Variants in MIPOL1 observed in about 807,000 individuals in gnomAD.
MIPOL1 encodes the protein mirror-image polydactyly gene 1 protein.
A neutral mutation model predicts 60.9 loss-of-function variants in MIPOL1; 57 were observed. That is an observed-to-expected ratio of 0.94 (90% CI 0.76 to 1.17). MIPOL1 has a LOEUF of 1.17. Among genes scored for constraint, MIPOL1 ranks in the 50% most tolerant of loss-of-function variants. The probability of loss-of-function intolerance (pLI) is 0.00; values close to 1 mark genes in which losing one functional copy is unlikely to be tolerated. For synonymous variants in MIPOL1, 179 were observed against 168.8 expected (o/e 1.06, Z -0.47); for missense variants, 551 against 511.6 (o/e 1.08, Z -0.74).
At chr14:37,351,405 G>A (rs1466511265) in intron 9 of MIPOL1, among the ~76,000 whole-genome samples, 8 of 150,402 alleles carry the variant, frequency 5.3e-5, no homozygotes, top group Non-Finnish European at 1.0e-4. Flanking sequence ...ATGATTTATA[G>A]TCCTTTGGGT....
intron 10 of MIPOL1, among the ~76,000 whole-genome samples, chr14:37,411,142 A>G (rs1372000358): frequency 6.6e-6 from 1 of 152,176 alleles, no homozygotes; most frequent in Non-Finnish European, 1.5e-5. Flanking sequence ...ACACTATTCA[A>G]AAGAATGCTG....
intron 10 of MIPOL1, among the ~76,000 whole-genome samples, chr14:37,394,715 G>A (rs577740112): frequency 6.6e-6 from 1 of 152,116 alleles, no homozygotes; most frequent in Admixed American, 6.5e-5. Flanking sequence ...TTGGTGTGTT[G>A]TCTGTTTACT....
At chr14:37,258,852 A>T (rs1975402297) in intron 3 of MIPOL1, among the ~76,000 whole-genome samples, 1 of 152,206 alleles carries the variant, frequency 6.6e-6, no homozygotes, top group Admixed American at 6.6e-5. Flanking sequence ...ACAAACAAAA[A>T]CTTAAAAAAA....
At chr14:37,403,277 T>C (rs1379193367) in intron 10 of MIPOL1, among the ~76,000 whole-genome samples, 1 of 152,158 alleles carries the variant, frequency 6.6e-6, no homozygotes, top group Non-Finnish European at 1.5e-5. Context: ...TCTTAAATAT[T>C]ACAAATTCTC....
intron 10 of MIPOL1, among the ~76,000 whole-genome samples, chr14:37,406,925 T>G (rs1433156570): frequency 1.3e-5 from 2 of 152,120 alleles, no homozygotes; most frequent in Admixed American, 1.3e-4. Flanking sequence ...TCTCAGTATT[T>G]AAGTAAAGTA....
chr14:37,407,026 C>T (rs1413016327), intron 10 of MIPOL1, among the ~76,000 whole-genome samples: 1 of 152,040 alleles, frequency 6.6e-6, no homozygotes, highest in African/African-American at 2.4e-5. Flanking sequence ...AAGATAAAGT[C>T]TCTACAGTCT....
chr14:37,525,660 A>G (rs1566775225), intron 12 of MIPOL1, among the ~76,000 whole-genome samples: 2 of 152,210 alleles, frequency 1.3e-5, no homozygotes, highest in African/African-American at 4.8e-5. Flanking sequence ...GCCTATAATC[A>G]AACACATGAA....
At chr14:37,509,323 T>A (rs2095306962) in intron 12 of MIPOL1, among the ~76,000 whole-genome samples, 1 of 151,874 alleles carries the variant, frequency 6.6e-6, no homozygotes, top group Non-Finnish European at 1.5e-5. Flanking sequence ...TATGTATGCA[T>A]GTGTATATAT....
chr14:37,216,153 A>G (rs1967654828), intron 1 of MIPOL1, among the ~76,000 whole-genome samples: 1 of 152,158 alleles, frequency 6.6e-6, no homozygotes, highest in Non-Finnish European at 1.5e-5. Flanking sequence ...ATATCAGGCA[A>G]AATAGATTTC....
At chr14:37,437,027 C>T (rs1048827249) in intron 11 of MIPOL1, among the ~76,000 whole-genome samples, 2 of 152,044 alleles carry the variant, frequency 1.3e-5, no homozygotes, top group African/African-American at 2.4e-5. Flanking sequence ...CTATTCCAAA[C>T]CTAAGATGTT....
At chr14:37,463,128 C>T (rs2094558866) in intron 11 of MIPOL1, among the ~76,000 whole-genome samples, 1 of 152,168 alleles carries the variant, frequency 6.6e-6, no homozygotes, top group Non-Finnish European at 1.5e-5. Flanking sequence ...GGGGAGGCCT[C>T]ACAATCATGG....
chr14:37,530,257 A>G (rs565349151), intron 12 of MIPOL1, among the ~76,000 whole-genome samples: 1 of 152,330 alleles, frequency 6.6e-6, no homozygotes, highest in Admixed American at 6.5e-5. Flanking sequence ...TGCCATTAAT[A>G]GAACGTCTTT....
At chr14:37,360,128 A>T (rs954546391) in intron 9 of MIPOL1, among the ~76,000 whole-genome samples, 11 of 151,766 alleles carry the variant, frequency 7.2e-5, no homozygotes, top group Non-Finnish European at 1.5e-4. Context: ...ATGTTTATTG[A>T]TTTGCATATG....
intron 1 of MIPOL1, among the ~76,000 whole-genome samples, chr14:37,240,936 CACAT>C (rs1335629071): frequency 1.6e-5 from 2 of 125,000 alleles, no homozygotes; most frequent in Admixed American, 7.9e-5. Flanking sequence ...GACACACACA[CACAT>C]ACACACACAC....
chr14:37,474,686 T>C (rs1339177005), intron 11 of MIPOL1, among the ~76,000 whole-genome samples: 1 of 152,180 alleles, frequency 6.6e-6, no homozygotes, highest in Non-Finnish European at 1.5e-5. Context: ...TAAGGCTATA[T>C]TTAGCTTTGA....
At chr14:37,340,103 TG>T (rs1203200886) in intron 9 of MIPOL1, among the ~76,000 whole-genome samples, 3 of 152,216 alleles carry the variant, frequency 2.0e-5, no homozygotes, top group African/African-American at 7.2e-5. Flanking sequence ...TCCTCTGGTT[TG>T]TGTGCTTTCT....
At chr14:37,363,059 T>C (rs1237346657) in intron 9 of MIPOL1, among the ~76,000 whole-genome samples, 1 of 152,206 alleles carries the variant, frequency 6.6e-6, no homozygotes, top group East Asian at 1.9e-4. Context: ...TAGAACATGC[T>C]TCTTTAGCTT....
chr14:37,472,101 T>A (rs2094697078), intron 11 of MIPOL1, among the ~76,000 whole-genome samples: 1 of 152,192 alleles, frequency 6.6e-6, no homozygotes, highest in Non-Finnish European at 1.5e-5. Context: ...AACAGCTGTG[T>A]ACAAGCACTG....
intron 9 of MIPOL1, among the ~76,000 whole-genome samples, chr14:37,310,077 G>A (rs1304836208): frequency 6.6e-6 from 1 of 151,886 alleles, no homozygotes; most frequent in African/African-American, 2.4e-5. Context: ...ACACACATCT[G>A]GCTTAAATTC....
Sources: gnomAD v4.1 joint callset for allele counts (sites outside exome capture counted in the v4.1 genomes callset) on GRCh38, gnomAD v4.1.1 for gene constraint, MANE v1.5 for transcripts, NCBI Gene and HGNC (gene_info 2026-07-23, HGNC 2026-07-21) for gene names.